The following WNT8A variants were observed in gnomAD, a reference collection of about 807,000 sequenced individuals.
WNT8A encodes the protein protein Wnt-8a.
A neutral mutation model predicts 20.5 loss-of-function variants in WNT8A; 14 were observed. The ratio of observed to expected loss-of-function variants is 0.68; its 90% CI spans 0.45 to 1.07. The LOEUF is 1.07. Among genes scored for constraint, WNT8A ranks in the 50% least tolerant of loss-of-function variants. The pLI is 0.00. For missense variants in WNT8A, 397 were observed against 462.9 expected, an observed-to-expected ratio of 0.86 and a Z score of 1.31; for synonymous variants, 167 against 169.2, an observed-to-expected ratio of 0.99 and a Z score of 0.10.
chr5:138,091,168 T>C lies in WNT8A; in HGVS notation c.*95T>C, dbSNP rs1430542040. On this transcript the variant is annotated 3_prime_UTR_variant, in exon 5 of 5. Coordinates refer to ENST00000506684, the MANE Select transcript of WNT8A (RefSeq NM_001300939.2). ...AACAGATTGGAAAGCAATCGGAAAA[T>C]TGCAGTTTTGGTCTGTAGTCCTCAT... is the stretch of plus-strand genomic sequence containing the variant. 6 of 1,538,364 alleles carry C rather than the reference T, an allele frequency of 3.9e-6. No individual in the cohort carries two copies. Among genetic ancestry groups the C allele is most frequent in the Admixed American group, 3.9e-5 (2 of 51,082 alleles).
At chr5:138,088,085 C>T (rs541511826) in intron 3 of WNT8A, among the ~76,000 whole-genome samples, 154 bp downstream of exon 3, 1 of 152,164 alleles carries the variant, frequency 6.6e-6, no homozygotes, top group Non-Finnish European at 1.5e-5. Flanking sequence ...TAGCCTTACA[C>T]TCTCAGAGTT....
chr5:138,083,982 T>C, upstream of WNT8A: 3 of 1,074,764 alleles, frequency 2.8e-6, no homozygotes, highest in East Asian at 2.5e-5. Context: ...TTTCCTCCCT[T>C]GGACATTCAG....
chr5:138,091,828 A>AAAAT (rs200860443), downstream of WNT8A, among the ~76,000 whole-genome samples: 758 of 134,546 alleles, frequency 5.6e-3, 2 homozygotes, highest in African/African-American at 8.4e-3. Context: ...CCCTGACTAA[A>AAAAT]AAATAAATAA....
At chr5:138,084,670 T>C in intron 2 of WNT8A, 34 bp downstream of exon 2, 4 of 1,570,318 alleles carry the variant, frequency 2.5e-6, no homozygotes, top group Non-Finnish European at 2.6e-6. Flanking sequence ...GTACAAGGGG[T>C]ATATATGTGA....
In WNT8A at chr5:138,090,980, G is replaced by A. The variant is rs551911502; in HGVS notation, c.1017G>A (p.Thr339=). ...SCNCKFQWCC[T]VKCDQCRHVV... ...ACTGCAAATTCCAGTGGTGCTGTAC[G>A]GTCAAGTGTGACCAGTGTAGGCATG... is the stretch of plus-strand genomic sequence containing the variant. Residue 339 remains threonine, a synonymous_variant, in exon 5 of 5, where the codon ACG becomes ACA. Transcript: ENST00000506684. 7.6e-5 allele frequency: 122 copies of A among 1,614,138 alleles called. 1 individual carries two copies. The highest frequency in any genetic ancestry group is 5.6e-4 in the South Asian group (51 of 91,076).
chr5:138,088,070 T>G, intron 3 of WNT8A, 139 bp downstream of exon 3: 1 of 1,297,046 alleles, frequency 7.7e-7, no homozygotes, highest in Non-Finnish European at 1.0e-6. Flanking sequence ...AATTGTAGGA[T>G]CTCCTAGCCT....
In WNT8A at chr5:138,084,206, C is replaced by T; in HGVS notation, c.79C>T (p.Leu27Phe). The T allele has an allele frequency of 1.2e-6, 2 of 1,614,198 alleles. No individual in the cohort carries two copies. The highest frequency in any genetic ancestry group is 2.2e-5 in the East Asian group (1 of 44,890). Residue 27 changes from leucine to phenylalanine, a missense_variant, in exon 1 of 5, where the codon CTC becomes TTC. Coordinates refer to ENST00000506684, the MANE Select transcript of WNT8A (RefSeq NM_001300939.2). ...TCCTTGCCAAGGAGGCCCCCATTGTCTCATCCCCATTCACCTCTGCCTCAC... is the reference window on the plus strand; with the variant it reads ...TCCTTGCCAAGGAGGCCCCCATTGTTTCATCCCCATTCACCTCTGCCTCAC... ...LTPCQGGPHCLIPIHLCLTFS... is the reference protein window; with the variant it reads ...LTPCQGGPHCFIPIHLCLTFS...
chr5:138,079,038 C>G (rs1202670486), upstream of WNT8A, among the ~76,000 whole-genome samples: 1 of 152,028 alleles, frequency 6.6e-6, no homozygotes, highest in African/African-American at 2.4e-5. Flanking sequence ...TCTCCTGTTA[C>G]TAGACAGTAA....
At chr5:138,091,838 A>ACACTCC (rs71765841), downstream of WNT8A, among the ~76,000 whole-genome samples, 5 of 136,218 alleles carry the variant, frequency 3.7e-5, no homozygotes, top group South Asian at 4.7e-4. Flanking sequence ...AAAATAAATA[A>ACACTCC]ATAAATAAAT....
intron 3 of WNT8A, 29 bp downstream of exon 3, chr5:138,087,960 A>G (rs199575950): frequency 1.0e-4 from 165 of 1,611,474 alleles, no homozygotes; most frequent in Non-Finnish European, 1.3e-4. Context: ...TGGGGGTGGG[A>G]AGAGGTGAGG....
chr5:138,091,029 C>G lies in WNT8A; in HGVS notation c.1066C>G (p.Arg356Gly). Residue 356 changes from arginine to glycine, a missense_variant, in exon 5 of 5, where the codon CGC (arginine) becomes GGC (glycine). Transcript: ENST00000506684. The stretch of plus-strand genomic sequence containing the variant: ...TGTGGTGAGCAAGTATTACTGCGCA[C>G]GCTCCCCAGGCAGTGCCCAGTCCCT... ...RHVVSKYYCA[R>G]SPGSAQSLGK... The G allele has an allele frequency of 6.2e-7, 1 of 1,613,850 alleles. No homozygotes were observed. The highest frequency in any genetic ancestry group is 8.5e-7 in the Non-Finnish European group (1 of 1,179,902).
upstream of WNT8A, among the ~76,000 whole-genome samples, chr5:138,080,444 GTTTTTTTTTTT>G (rs371833243): frequency 3.6e-4 from 20 of 56,002 alleles, no homozygotes; most frequent in Middle Eastern, 0.012. Context: ...TGTAAATCTT[GTTTTTTTTTTT>G]TTTTTTTTTT....
chr5:138,091,577 G>C (rs1190548251), downstream of WNT8A: 3 of 1,162,396 alleles, frequency 2.6e-6, no homozygotes, highest in Non-Finnish European at 3.4e-6. Flanking sequence ...GAAAGTTTTA[G>C]AGTGTTGGAT....
upstream of WNT8A, among the ~76,000 whole-genome samples, chr5:138,079,298 A>G (rs954579715): frequency 6.8e-6 from 1 of 147,862 alleles, no homozygotes; most frequent in Non-Finnish European, 1.5e-5. Flanking sequence ...ACTTATAATT[A>G]TATTATAATT....
At chr5:138,088,388 G>T (rs1033355517) in intron 3 of WNT8A, among the ~76,000 whole-genome samples, 3 of 142,592 alleles carry the variant, frequency 2.1e-5, no homozygotes, top group East Asian at 4.1e-4. Flanking sequence ...ATGGAGTCTC[G>T]CTCTGTCGAC....
At chr5:138,079,249 T>A (rs534239937), upstream of WNT8A, among the ~76,000 whole-genome samples, 6 of 150,896 alleles carry the variant, frequency 4.0e-5, no homozygotes, top group South Asian at 1.3e-3. Context: ...TGCAAACTGG[T>A]TGTTAAATAA....
chr5:138,091,451 G>C lies in WNT8A; in HGVS notation c.*378G>C. Reference sequence around the variant, plus strand: ...CATGTCCAACCCAGCTGTGCTGCTGGGAATCAGGAGAATAGAAGCAAAAAA... The same window carrying C: ...CATGTCCAACCCAGCTGTGCTGCTGCGAATCAGGAGAATAGAAGCAAAAAA... On this transcript the variant is annotated 3_prime_UTR_variant, in exon 5 of 5. Coordinates refer to ENST00000506684, the MANE Select transcript of WNT8A (RefSeq NM_001300939.2). 7.4e-7 allele frequency: 1 copy of C among 1,356,808 alleles called. No individual in the cohort carries two copies. Among genetic ancestry groups the C allele is most frequent in the Non-Finnish European group, 9.8e-7 (1 of 1,025,206 alleles). The allele number at this position is 1,356,808 out of a possible 1,614,324, so 84.0% of individuals were successfully genotyped here.
intron 3 of WNT8A, 116 bp downstream of exon 3, chr5:138,088,047 C>T: frequency 7.0e-7 from 1 of 1,435,742 alleles, no homozygotes; most frequent in South Asian, 1.4e-5. Flanking sequence ...CTCAAGACTC[C>T]AGCAACTCCT....
At chr5:138,086,689 G>T (rs769744495) in intron 2 of WNT8A, among the ~76,000 whole-genome samples, 2 of 150,998 alleles carry the variant, frequency 1.3e-5, no homozygotes, top group South Asian at 2.1e-4. Context: ...GATTGCTTGC[G>T]CCCAGGAGTT....
Sources: gnomAD v4.1 joint callset for allele counts (sites outside exome capture counted in the v4.1 genomes callset) on GRCh38, gnomAD v4.1.1 for gene constraint, MANE v1.5 for transcripts, NCBI Gene and HGNC (gene_info 2026-07-23, HGNC 2026-07-21) for gene names.